The following CARF variants were observed in gnomAD, a reference collection of about 807,000 sequenced individuals.
CARF encodes the protein calcium responsive transcription factor.
Under a neutral mutation model 82.0 loss-of-function variants are expected in CARF, and 57 were observed. That is an observed-to-expected ratio of 0.70 (90% CI 0.56 to 0.87). The LOEUF (loss-of-function observed/expected upper bound fraction) is 0.87. CARF is among the 40% of genes least tolerant of loss of function. The pLI, the probability that CARF is intolerant of heterozygous loss-of-function variation, is 0.00. For synonymous variants in CARF, 268 were observed against 290.1 expected (o/e 0.92, Z 0.77); for missense variants, 771 against 855.8 (o/e 0.90, Z 1.24).
chr2:202,924,137 TACTG>T (rs1265013784), intron 2 of CARF, among the ~76,000 whole-genome samples, 156 bp from the exon 3 acceptor site: 2 of 152,250 alleles, frequency 1.3e-5, no homozygotes, highest in African/African-American at 2.4e-5. Flanking sequence ...TGAGTTGTCT[TACTG>T]AGTTGTAAAA....
Position 202,968,163 on chromosome 2 carries a change from G to A in CARF, c.953+1065G>A, listed in dbSNP as rs541531750. ...TAACGCCTGTAATCCCAGCACTTTG[G>A]GAGGCCGAGGTGGGCGGATTACAAG... On this transcript the variant is annotated intron_variant, in intron 10 of 16. Transcript: ENST00000438828. 2.0e-5 allele frequency among the ~76,000 whole-genome samples: 3 copies of A among 152,232 alleles called. No individual in the cohort carries two copies. In the East Asian group the frequency reaches 5.8e-4, roughly 29 times the overall value.
chr2:202,967,250 A>G, intron 10 of CARF, 152 bp downstream of exon 10: 2 of 819,356 alleles, frequency 2.4e-6, no homozygotes, highest in South Asian at 4.4e-5. Flanking sequence ...TTAAAGCAAC[A>G]ACTCTTACTA....
intron 5 of CARF, among the ~76,000 whole-genome samples, chr2:202,948,157 G>T (rs928627736): frequency 1.1e-4 from 17 of 152,076 alleles, no homozygotes; most frequent in African/African-American, 3.6e-4. Flanking sequence ...AAGATGAAAT[G>T]GTTGCAGGTG....
intron 16 of CARF, among the ~76,000 whole-genome samples, chr2:202,982,831 A>G (rs1223750807): frequency 2.0e-5 from 3 of 152,198 alleles, no homozygotes; most frequent in African/African-American, 7.2e-5. Flanking sequence ...ACACATACAC[A>G]AAGAAAAATG....
chr2:202,986,055 C>A lies in CARF; in HGVS notation c.*2431C>A, dbSNP rs1370192098. 6.6e-6 allele frequency: 1 copy of A among 152,002 alleles called. No homozygotes were observed. The highest frequency in any genetic ancestry group is 1.9e-4 in the East Asian group (1 of 5,196). The allele number at this position is 152,002 out of a possible 1,614,324, so 9.4% of individuals were successfully genotyped here. ...CCAATAAAACAAAACCCCACAAAAA[C>A]CAAGAGCATGAAGAAAAGTTTAAAT... On this transcript the variant is annotated 3_prime_UTR_variant, in exon 17 of 17. Transcript: ENST00000438828.
intron 7 of CARF, 26 bp from the exon 8 acceptor site, chr2:202,955,648 T>G: frequency 6.5e-7 from 1 of 1,544,788 alleles, no homozygotes; most frequent in Non-Finnish European, 8.8e-7. Context: ...AACTGCATAT[T>G]TATATATATT....
At chr2:202,923,304 T>G (rs1691180223) in intron 2 of CARF, among the ~76,000 whole-genome samples, 1 of 152,178 alleles carries the variant, frequency 6.6e-6, no homozygotes, top group Non-Finnish European at 1.5e-5. Context: ...ACACAATTAA[T>G]TTTGTGCGGT....
At chr2:202,983,060 AT>A (rs1308153676) in intron 16 of CARF, among the ~76,000 whole-genome samples, 20 of 147,138 alleles carry the variant, frequency 1.4e-4, no homozygotes, top group Admixed American at 2.7e-4. Context: ...AAATTCTTTA[AT>A]TTTTTTTTTT....
chr2:202,923,389 A>G (rs1326649034), intron 2 of CARF, among the ~76,000 whole-genome samples: 1 of 152,242 alleles, frequency 6.6e-6, no homozygotes, highest in Non-Finnish European at 1.5e-5. Flanking sequence ...ATAGCTGCAA[A>G]AAAAGTAAAA....
intron 9 of CARF, among the ~76,000 whole-genome samples, chr2:202,965,940 A>G (rs2059531177): frequency 6.6e-6 from 1 of 152,282 alleles, no homozygotes; most frequent in East Asian, 1.9e-4. Flanking sequence ...TGACTCAGCA[A>G]AGTGGTTCTG....
intron 10 of CARF, among the ~76,000 whole-genome samples, chr2:202,967,937 A>G (rs1485993474): frequency 1.3e-5 from 2 of 152,344 alleles, no homozygotes; most frequent in Non-Finnish European, 2.9e-5. Flanking sequence ...AGATTTTACA[A>G]TGTCCTTTAT....
chr2:202,928,988 C>T (rs1692374712), intron 3 of CARF, among the ~76,000 whole-genome samples: 1 of 149,466 alleles, frequency 6.7e-6, no homozygotes, highest in African/African-American at 2.4e-5. Flanking sequence ...CCTCAGCCTC[C>T]CAAAATGTGG....
rs2060287315 is a variant in CARF, at chr2:202,982,129, G to A, written c.1747G>A (p.Val583Ile). The A allele has an allele frequency of 6.2e-7, 1 of 1,614,038 alleles. No homozygotes were observed. Residue 583 changes from valine (V) to isoleucine (I), a missense_variant, in exon 16 of 17, where the codon GTA becomes ATA. Physicochemically the swap from Val to Ile is conservative, Grantham distance 29 (BLOSUM62 3). Transcript: ENST00000438828. ...SPDESPAVVS[V>I]NNQPSSSPSG... ...TGATGAATCACCAGCTGTGGTATCA[G>A]TAAATAACCAGCCGTCCTCTAGTCC...
intron 13 of CARF, among the ~76,000 whole-genome samples, chr2:202,975,919 C>T (rs2060004721): frequency 6.6e-6 from 1 of 151,710 alleles, no homozygotes; most frequent in African/African-American, 2.4e-5. Context: ...GTGGCAGGTG[C>T]CTATAGTCCC....
intron 3 of CARF, among the ~76,000 whole-genome samples, chr2:202,932,383 T>C (rs1693099054): frequency 6.6e-6 from 1 of 152,066 alleles, no homozygotes; most frequent in South Asian, 2.1e-4. Context: ...GGTCTGTGAC[T>C]CTCAGATACC....
rs1426051773 is a variant in CARF, at chr2:202,974,471, A to C, written c.1469A>C (p.Tyr490Ser). The change falls in exon 13 of 17, where the codon TAT becomes TCT. Residue 490 changes from tyrosine to serine, a missense_variant. By Grantham distance (144) the Tyr-to-Ser change is moderately radical. Coordinates refer to ENST00000438828, the MANE Select transcript of CARF (RefSeq NM_024744.17). Reference sequence around the variant, plus strand: ...TCCTTGAGAAATGGAGATACGGTATATAACTCAGAGATTATTCCAGCAACG... The same window carrying C: ...TCCTTGAGAAATGGAGATACGGTATCTAACTCAGAGATTATTCCAGCAACG... ...QKSLRNGDTV[Y>S]NSEIIPATLQ... The C allele has an allele frequency of 6.2e-7, 1 of 1,603,026 alleles. No individual in the cohort carries two copies.
At chr2:202,915,460 A>C (rs571497888) in intron 1 of CARF, among the ~76,000 whole-genome samples, 8 of 151,594 alleles carry the variant, frequency 5.3e-5, no homozygotes, top group African/African-American at 1.9e-4. Context: ...CTCCCAGCTG[A>C]TTTTTGTATT....
intron 14 of CARF, among the ~76,000 whole-genome samples, chr2:202,979,482 CAGATG>C (rs1478517715): frequency 6.6e-6 from 1 of 151,930 alleles, no homozygotes; most frequent in Non-Finnish European, 1.5e-5. Flanking sequence ...GCTGATTTTA[CAGATG>C]AGGAAGCTGA....
intron 5 of CARF, among the ~76,000 whole-genome samples, chr2:202,948,235 A>G (rs1436142677): frequency 1.3e-5 from 2 of 152,192 alleles, no homozygotes; most frequent in Non-Finnish European, 2.9e-5. Flanking sequence ...TACCAGTACC[A>G]TGCTGTTTTG....
Sources: gnomAD v4.1 joint callset for allele counts (sites outside exome capture counted in the v4.1 genomes callset) on GRCh38, gnomAD v4.1.1 for gene constraint, MANE v1.5 for transcripts, NCBI Gene and HGNC (gene_info 2026-07-23, HGNC 2026-07-21) for gene names.